Variants in KIF18A observed in about 807,000 individuals in gnomAD.
KIF18A encodes kinesin family member 18A.
KIF18A carries 67 observed loss-of-function variants against 103.3 expected under a neutral mutation model. The ratio of observed to expected loss-of-function variants is 0.65; its 90% CI spans 0.53 to 0.79. KIF18A has a LOEUF of 0.79. KIF18A is among the 30% of genes least tolerant of loss of function. The pLI is 0.00. For missense variants in KIF18A, 1,032 were observed against 1,062.5 expected, an observed-to-expected ratio of 0.97 and a Z score of 0.40; for synonymous variants, 367 against 355.5, an observed-to-expected ratio of 1.03 and a Z score of -0.36.
chr11:28,035,550 G>A, intron 14 of KIF18A, 56 bp from the exon 15 acceptor site: 1 of 1,036,942 alleles, frequency 9.6e-7, no homozygotes. Flanking sequence ...ACTATGAAGA[G>A]AAAAGGAAGC....
Position 28,062,536 on chromosome 11 carries a change from A to G in KIF18A, c.1591-20T>C. 6.3e-7 allele frequency: 1 copy of G among 1,596,324 alleles called. No individual in the cohort carries two copies. Among genetic ancestry groups the G allele is most frequent in the Non-Finnish European group, 8.5e-7 (1 of 1,170,578 alleles). ...GAGTTCCTAGGGCAAACAATACAAA[A>G]TGTACTTCAGATCACTCTAAGAATA... On this transcript the variant is annotated intron_variant, in intron 11 of 16. Coordinates refer to ENST00000263181, the MANE Select transcript of KIF18A (RefSeq NM_031217.4).
chr11:28,034,271 T>C (rs907728023), intron 15 of KIF18A, among the ~76,000 whole-genome samples: 1 of 151,802 alleles, frequency 6.6e-6, no homozygotes, highest in Non-Finnish European at 1.5e-5. Context: ...CTCTTAATTT[T>C]TAGTCATTTG....
chr11:28,106,076 T>G (rs1171337996), intron 1 of KIF18A, among the ~76,000 whole-genome samples: 5 of 152,236 alleles, frequency 3.3e-5, no homozygotes, highest in African/African-American at 7.2e-5. Context: ...TATAATAAAT[T>G]TAATTCATTG....
chr11:28,066,423 G>A (rs1850924337), intron 11 of KIF18A, among the ~76,000 whole-genome samples: 1 of 151,966 alleles, frequency 6.6e-6, no homozygotes, highest in Non-Finnish European at 1.5e-5. Context: ...ATTCTATGAT[G>A]AGCCTCTATG....
chr11:28,023,644 A>T, intron 16 of KIF18A, 97 bp downstream of exon 16: 2 of 571,554 alleles, frequency 3.5e-6, no homozygotes, highest in South Asian at 5.8e-5. Flanking sequence ...TGATGAATAA[A>T]GGGAGATTCT....
chr11:28,023,287 A>G (rs150273702), intron 16 of KIF18A, among the ~76,000 whole-genome samples: 4 of 152,312 alleles, frequency 2.6e-5, no homozygotes, highest in African/African-American at 9.6e-5. Flanking sequence ...TTACAATATG[A>G]TTGTAACTAG....
chr11:28,059,399 G>A (rs931518770), intron 12 of KIF18A, among the ~76,000 whole-genome samples: 2 of 151,974 alleles, frequency 1.3e-5, no homozygotes, highest in South Asian at 2.1e-4. Context: ...CTTATAATAG[G>A]AGATTGCTTT....
intron 10 of KIF18A, chr11:28,076,795 G>A (rs1851096415): frequency 1.1e-5 from 3 of 277,980 alleles, no homozygotes; most frequent in African/African-American, 2.2e-5. Flanking sequence ...TTAGCTGGGC[G>A]TAGTGGTGCA....
intron 16 of KIF18A, among the ~76,000 whole-genome samples, chr11:28,021,952 C>T (rs1455162141): frequency 1.3e-5 from 2 of 152,154 alleles, no homozygotes; most frequent in African/African-American, 4.8e-5. Context: ...CCTTAACACT[C>T]TCTGTTATTT....
chr11:28,103,817 C>T (rs146827002), intron 1 of KIF18A, among the ~76,000 whole-genome samples: 3 of 151,922 alleles, frequency 2.0e-5, no homozygotes, highest in Admixed American at 6.5e-5. Flanking sequence ...CAATGAGAAC[C>T]CTGAGGCATC....
chr11:28,052,703 T>C (rs149098892), intron 13 of KIF18A, among the ~76,000 whole-genome samples: 3 of 152,228 alleles, frequency 2.0e-5, no homozygotes, highest in Admixed American at 6.6e-5. Context: ...ATTATTGTCT[T>C]TCTCTACTAG....
intron 9 of KIF18A, among the ~76,000 whole-genome samples, chr11:28,080,347 T>C (rs372388714): frequency 5.1e-5 from 6 of 118,128 alleles, no homozygotes; most frequent in Admixed American, 3.8e-4. Context: ...TTGCAGACAC[T>C]GTTTTTTTTT....
intron 9 of KIF18A, among the ~76,000 whole-genome samples, chr11:28,080,362 T>G (rs936692758): frequency 3.3e-5 from 5 of 151,894 alleles, no homozygotes; most frequent in African/African-American, 1.2e-4. Context: ...TTTTTTTTTT[T>G]TTTTAAACAA....
At chr11:28,052,984 T>G (rs1201591305) in intron 13 of KIF18A, among the ~76,000 whole-genome samples, 1 of 152,194 alleles carries the variant, frequency 6.6e-6, no homozygotes, top group Non-Finnish European at 1.5e-5. Context: ...AAAGATAGTA[T>G]TTATGACTAT....
At chr11:28,059,310 C>G (rs1277948010) in intron 12 of KIF18A, 149 bp from the exon 13 acceptor site, 1 of 673,428 alleles carries the variant, frequency 1.5e-6, no homozygotes, top group Non-Finnish European at 2.5e-6. Context: ...ATTGTCTTCA[C>G]TTGCTTCCAT....
intron 10 of KIF18A, among the ~76,000 whole-genome samples, chr11:28,074,550 TA>T (rs1175126516): frequency 1.3e-5 from 2 of 152,132 alleles, no homozygotes; most frequent in African/African-American, 4.8e-5. Context: ...CTAATTTTGA[TA>T]ATATAGTTTA....
At chr11:28,034,229 C>T (rs974468992) in intron 15 of KIF18A, among the ~76,000 whole-genome samples, 2 of 151,708 alleles carry the variant, frequency 1.3e-5, no homozygotes, top group South Asian at 2.1e-4. Context: ...ATCTGCCTCA[C>T]GTATGAATCA....
intron 5 of KIF18A, among the ~76,000 whole-genome samples, chr11:28,089,065 G>GA (rs1005660939): frequency 2.8e-4 from 42 of 152,164 alleles, no homozygotes; most frequent in African/African-American, 9.6e-4. Flanking sequence ...ACGTTCCTAA[G>GA]AAAAAACCAA....
chr11:28,054,257 C>T (rs1019380300), intron 13 of KIF18A, among the ~76,000 whole-genome samples: 10 of 149,862 alleles, frequency 6.7e-5, no homozygotes, highest in Non-Finnish European at 1.2e-4. Flanking sequence ...GTTGCCTAGG[C>T]TGAAGTGCAA....
Sources: allele counts gnomAD v4.1 joint callset (sites outside exome capture counted in the v4.1 genomes callset), GRCh38; gene constraint gnomAD v4.1.1; transcripts MANE v1.5; gene names NCBI Gene and HGNC (gene_info 2026-07-23, HGNC 2026-07-21).